Variants in SPOCK3 observed in about 807,000 individuals in gnomAD.
SPOCK3 encodes the protein testican-3.
Under a neutral mutation model 56.6 loss-of-function variants are expected in SPOCK3, and 30 were observed. The observed-to-expected ratio is 0.53, with a 90% CI of 0.40 to 0.72. SPOCK3 has a LOEUF of 0.72. Among genes scored for constraint, SPOCK3 ranks in the 30% least tolerant of loss-of-function variants. The probability of loss-of-function intolerance (pLI) is 0.00; values close to 1 mark genes in which losing one functional copy is unlikely to be tolerated. For missense variants in SPOCK3, 527 were observed against 530.0 expected, an observed-to-expected ratio of 0.99 and a Z score of 0.06; for synonymous variants, 196 against 183.3, an observed-to-expected ratio of 1.07 and a Z score of -0.56.
At chr4:167,021,736 C>T (rs1418146522) in intron 3 of SPOCK3, among the ~76,000 whole-genome samples, 2 of 151,966 alleles carry the variant, frequency 1.3e-5, no homozygotes, top group Admixed American at 1.3e-4. Context: ...GTCAAACGGC[C>T]ACCACCAGGT....
At chr4:167,183,078 T>C (rs537586437) in intron 2 of SPOCK3, among the ~76,000 whole-genome samples, 50 of 152,252 alleles carry the variant, frequency 3.3e-4, no homozygotes, top group South Asian at 1.0e-3. Flanking sequence ...TTACAATGAT[T>C]ACAGCAGGCC....
intron 4 of SPOCK3, among the ~76,000 whole-genome samples, chr4:166,947,047 A>T (rs2150027112): frequency 6.6e-6 from 1 of 152,060 alleles, no homozygotes; most frequent in Admixed American, 6.6e-5. Context: ...TTTACCTGAT[A>T]CCCTCCCATA....
intron 3 of SPOCK3, among the ~76,000 whole-genome samples, chr4:167,051,347 C>T (rs1336596499): frequency 6.6e-6 from 1 of 152,106 alleles, no homozygotes; most frequent in Admixed American, 6.6e-5. Flanking sequence ...CTATGTATGT[C>T]CAGAGTTTTT....
At chr4:167,116,911 G>GTATATATATATATATATA (rs1279038321) in intron 2 of SPOCK3, among the ~76,000 whole-genome samples, 33 of 115,372 alleles carry the variant, frequency 2.9e-4, no homozygotes, top group East Asian at 1.4e-3. Context: ...GTGTGTGTGT[G>GTATATATATATATATATA]TGTATATATA....
At chr4:166,746,501 T>G (rs1389291177) in intron 8 of SPOCK3, among the ~76,000 whole-genome samples, 2 of 152,008 alleles carry the variant, frequency 1.3e-5, no homozygotes, top group African/African-American at 4.8e-5. Flanking sequence ...AGAGGGAAAT[T>G]TATAGCACTA....
chr4:167,200,719 C>A (rs1653823205), intron 2 of SPOCK3, among the ~76,000 whole-genome samples: 1 of 151,946 alleles, frequency 6.6e-6, no homozygotes, highest in African/African-American at 2.4e-5. Flanking sequence ...CAATTTCTAA[C>A]CTTGGAAGTT....
chr4:167,064,121 A>C (rs1337724121), intron 2 of SPOCK3, among the ~76,000 whole-genome samples: 1 of 151,858 alleles, frequency 6.6e-6, no homozygotes, highest in Non-Finnish European at 1.5e-5. Flanking sequence ...TATTTATGAA[A>C]ATTTTAAATT....
chr4:167,064,074 T>C (rs1439221242), intron 2 of SPOCK3, among the ~76,000 whole-genome samples: 1 of 151,888 alleles, frequency 6.6e-6, no homozygotes, highest in Admixed American at 6.6e-5. Context: ...AATGTAGCAC[T>C]GACTTCAATC....
intron 2 of SPOCK3, among the ~76,000 whole-genome samples, chr4:167,182,686 C>A (rs569393382): frequency 1.3e-5 from 2 of 151,822 alleles, no homozygotes; most frequent in East Asian, 1.9e-4. Flanking sequence ...ATGGCCCGCG[C>A]GCCACTATGC....
At chr4:166,859,516 C>G (rs939536408) in intron 6 of SPOCK3, among the ~76,000 whole-genome samples, 4 of 152,170 alleles carry the variant, frequency 2.6e-5, no homozygotes, top group African/African-American at 7.2e-5. Flanking sequence ...TAATATTTGA[C>G]ACACAATAGA....
intron 2 of SPOCK3, among the ~76,000 whole-genome samples, chr4:167,177,437 T>C (rs1463314470): frequency 6.6e-6 from 1 of 152,034 alleles, no homozygotes; most frequent in Non-Finnish European, 1.5e-5. Flanking sequence ...GGAACGCCTA[T>C]AGTTCCATGA....
intron 6 of SPOCK3, among the ~76,000 whole-genome samples, chr4:166,852,012 T>C (rs1159048802): frequency 2.7e-5 from 4 of 150,740 alleles, no homozygotes; most frequent in South Asian, 2.1e-4. Flanking sequence ...ATGGATGAAA[T>C]TGGAAATCAT....
At chr4:166,762,283 T>C (rs946206747) in intron 7 of SPOCK3, among the ~76,000 whole-genome samples, 15 of 152,200 alleles carry the variant, frequency 9.9e-5, no homozygotes, top group Middle Eastern at 3.4e-3. Flanking sequence ...TTTAAAATAG[T>C]ATATTTTGAG....
chr4:166,992,177 T>C (rs1412077558), intron 4 of SPOCK3, among the ~76,000 whole-genome samples: 1 of 152,122 alleles, frequency 6.6e-6, no homozygotes, highest in African/African-American at 2.4e-5. Flanking sequence ...TAAATGTGTG[T>C]GTGGGTGTGT....
rs185566442 is a variant in SPOCK3, at chr4:167,052,057, T to C, written c.235+10435A>G. On this transcript the variant is annotated intron_variant, in intron 3 of 10. Coordinates refer to ENST00000357545, the MANE Select transcript of SPOCK3 (RefSeq NM_001040159.2). ...AAGCATTATATAGTAATCTTGATTT[T>C]ACCTTATGAATTAAAAACACAGACC... Among the ~76,000 whole-genome samples the C allele has an allele frequency of 1.2e-4, 19 of 152,336 alleles. No homozygotes were observed. The East Asian group carries it at 3.5e-3, about 28-fold the overall frequency.
At position 167,086,022 on chromosome 4, in the gene SPOCK3, C is replaced by T. The variant is rs1421522784; in HGVS notation, c.190-23485G>A. Among the ~76,000 whole-genome samples, 5 of 151,896 alleles carry T rather than the reference C, an allele frequency of 3.3e-5. 1 individual carries two copies. The highest frequency in any genetic ancestry group is 1.3e-4 in the Admixed American group (2 of 15,228). ...ACTAGGCTATGAGAAAGTAAATTAT[C>T]GGTGGAAACTTTCTTTTTACAGTTC... On this transcript the variant is annotated intron_variant, in intron 2 of 10. Coordinates refer to ENST00000357545, the MANE Select transcript of SPOCK3 (RefSeq NM_001040159.2).
chr4:166,995,501 G>A (rs941993936), intron 4 of SPOCK3, among the ~76,000 whole-genome samples: 1 of 151,738 alleles, frequency 6.6e-6, no homozygotes, highest in Non-Finnish European at 1.5e-5. Context: ...GATAATTATG[G>A]AAAAAATGTA....
chr4:166,778,171 T>A (rs1739776924), intron 7 of SPOCK3, among the ~76,000 whole-genome samples: 1 of 152,210 alleles, frequency 6.6e-6, no homozygotes, highest in South Asian at 2.1e-4. Flanking sequence ...GCAGAAGCTA[T>A]CAAACATAAA....
intron 6 of SPOCK3, among the ~76,000 whole-genome samples, chr4:166,876,650 AT>A (rs1357177365): frequency 3.9e-5 from 6 of 152,160 alleles, no homozygotes; most frequent in African/African-American, 1.4e-4. Flanking sequence ...ATAATATACT[AT>A]ATTATAGCAA....
Sources: gnomAD v4.1 joint callset for allele counts (sites outside exome capture counted in the v4.1 genomes callset) on GRCh38, gnomAD v4.1.1 for gene constraint, MANE v1.5 for transcripts, NCBI Gene and HGNC (gene_info 2026-07-23, HGNC 2026-07-21) for gene names.